Variants in ZFHX3 observed in about 807,000 individuals in gnomAD.
The protein encoded by ZFHX3 is zinc finger homeobox 3, also known as zinc finger homeobox protein 3.
In ZFHX3, 42 loss-of-function variants were observed where a neutral mutation model predicts 279.1. The ratio of observed to expected loss-of-function variants is 0.15; its 90% CI spans 0.12 to 0.19. ZFHX3 has a LOEUF of 0.19. Ranked by LOEUF, ZFHX3 falls within the 10% of genes least tolerant of loss-of-function variation. The probability of loss-of-function intolerance (pLI) is 1.00; values close to 1 mark genes in which losing one functional copy is unlikely to be tolerated. For missense variants in ZFHX3, 4,981 were observed against 4,754.0 expected (o/e 1.05, Z -1.40); for synonymous variants, 2,293 against 1,957.8 (o/e 1.17, Z -4.52).
At chr16:73,529,215 G>A (rs901407585) in intron 2 of ZFHX3, among the ~76,000 whole-genome samples, 7 of 152,188 alleles carry the variant, frequency 4.6e-5, no homozygotes, top group African/African-American at 1.7e-4. Flanking sequence ...GTATGTTTGT[G>A]ATAATTTTGC....
At chr16:73,079,944 A>AT (rs1567658748) in intron 8 of ZFHX3, among the ~76,000 whole-genome samples, 2 of 152,186 alleles carry the variant, frequency 1.3e-5, no homozygotes, top group Middle Eastern at 3.4e-3. Flanking sequence ...GGTCACACAG[A>AT]GCAAGTTTAA....
At chr16:72,832,042 C>T (rs1210771418) in intron 4 of ZFHX3, among the ~76,000 whole-genome samples, 1 of 152,166 alleles carries the variant, frequency 6.6e-6, no homozygotes, top group Non-Finnish European at 1.5e-5. Flanking sequence ...CATATGACCA[C>T]CTTAGATGAA....
At chr16:73,836,948 G>A (rs556412222) in intron 1 of ZFHX3, among the ~76,000 whole-genome samples, 1 of 152,322 alleles carries the variant, frequency 6.6e-6, no homozygotes, top group Non-Finnish European at 1.5e-5. Flanking sequence ...CTACTTCTCT[G>A]CCATGTTATA....
intron 2 of ZFHX3, among the ~76,000 whole-genome samples, chr16:73,469,994 G>A (rs1020466643): frequency 1.3e-5 from 2 of 152,108 alleles, no homozygotes; most frequent in African/African-American, 4.8e-5. Context: ...ATTCTAATGT[G>A]CGGAAAAGCT....
chr16:73,114,110 G>C (rs1044367008), intron 7 of ZFHX3, among the ~76,000 whole-genome samples: 2 of 151,216 alleles, frequency 1.3e-5, no homozygotes, highest in African/African-American at 4.9e-5. Context: ...TTTTTTAAGA[G>C]ATGGGGGTCT....
At chr16:73,549,925 T>C (rs1350519712) in intron 2 of ZFHX3, among the ~76,000 whole-genome samples, 1 of 152,082 alleles carries the variant, frequency 6.6e-6, no homozygotes, top group African/African-American at 2.4e-5. Flanking sequence ...TCTAAGGCTC[T>C]AGACAAACTG....
intron 1 of ZFHX3, among the ~76,000 whole-genome samples, chr16:73,876,869 C>G (rs2142407314): frequency 6.6e-6 from 1 of 152,192 alleles, no homozygotes; most frequent in African/African-American, 2.4e-5. Context: ...AGACACAAAA[C>G]CCACCGTGTG....
chr16:73,368,713 A>G (rs1045164144), intron 3 of ZFHX3, among the ~76,000 whole-genome samples: 2 of 152,230 alleles, frequency 1.3e-5, no homozygotes, highest in African/African-American at 2.4e-5. Flanking sequence ...TCGGTATGTA[A>G]TGGGTAATAT....
chr16:72,960,295 G>T (rs545404702), intron 1 of ZFHX3, 101 bp from the exon 2 acceptor site: 2 of 887,124 alleles, frequency 2.3e-6, no homozygotes, highest in Non-Finnish European at 3.2e-6. Context: ...CGCACGGAGC[G>T]CTCTAAGAGG....
chr16:73,058,412 G>C (rs1159290787), intron 1 of ZFHX3: 1 of 181,066 alleles, frequency 5.5e-6, no homozygotes, highest in Non-Finnish European at 1.1e-5. Context: ...CGAGCCCCAT[G>C]CAAAGCAGCC....
intron 3 of ZFHX3, among the ~76,000 whole-genome samples, chr16:73,369,416 A>C (rs972733298): frequency 1.3e-5 from 2 of 152,238 alleles, no homozygotes; most frequent in Admixed American, 6.5e-5. Context: ...CAAATGCACA[A>C]ATCGAATGCC....
At position 72,785,140 on chromosome 16, in the gene ZFHX3, T is replaced by C. The variant is rs958505810; in HGVS notation, c.*2024A>G. ...GAGATGGTTTCTGTTGATGTTTAGC[T>C]ATGAAAGTGAAACAGCAAAGCATCT... is the stretch of plus-strand genomic sequence containing the variant. On this transcript the variant is annotated 3_prime_UTR_variant, in exon 10 of 10. Coordinates refer to ENST00000268489, the MANE Select transcript of ZFHX3 (RefSeq NM_006885.4). The C allele has an allele frequency of 1.7e-4, 26 of 151,920 alleles. No individual in the cohort carries two copies. The highest frequency in any genetic ancestry group is 6.1e-4 in the African/African-American group (25 of 40,728). The allele number at this position is 151,920 out of a possible 1,614,324, so 9.4% of individuals were successfully genotyped here. A position where few individuals can be genotyped will look rare whatever the true frequency, so the allele number is the denominator to read the frequency against.
At chr16:73,132,627 G>A (rs1966708486) in intron 6 of ZFHX3, among the ~76,000 whole-genome samples, 1 of 152,148 alleles carries the variant, frequency 6.6e-6, no homozygotes, top group African/African-American at 2.4e-5. Flanking sequence ...GAGACACAAA[G>A]CAATTGACAG....
At chr16:73,803,367 G>A (rs1006563535) in intron 1 of ZFHX3, among the ~76,000 whole-genome samples, 5 of 152,150 alleles carry the variant, frequency 3.3e-5, no homozygotes, top group Admixed American at 3.3e-4. Flanking sequence ...TTAAGACCTT[G>A]ATAATAGCTA....
At chr16:73,393,400 T>A (rs1400927212) in intron 3 of ZFHX3, among the ~76,000 whole-genome samples, 1 of 152,232 alleles carries the variant, frequency 6.6e-6, no homozygotes, top group Admixed American at 6.5e-5. Context: ...CTGCAGTTCC[T>A]GGTCCTCCCC....
At chr16:73,376,610 A>G (rs898327962) in intron 3 of ZFHX3, among the ~76,000 whole-genome samples, 3 of 152,166 alleles carry the variant, frequency 2.0e-5, no homozygotes, top group African/African-American at 7.2e-5. Flanking sequence ...GGCTGGAGTC[A>G]ATGTTGAAAT....
In ZFHX3 at chr16:73,544,191, G is replaced by A. The variant is rs558324584; in HGVS notation, c.-1546-87933C>T. On this transcript the variant is annotated intron_variant, in intron 2 of 17. Coordinates refer to the ZFHX3 transcript ENST00000641206. The stretch of plus-strand genomic sequence containing the variant: ...CATTGCCTAGGACCTGGGTTAGGGA[G>A]AGGAAAAAAAAAGGTGGGGTGGAGG... Among the ~76,000 whole-genome samples the A allele has an allele frequency of 1.3e-4, 19 of 151,382 alleles. No individual in the cohort carries two copies. In the South Asian group the frequency reaches 3.3e-3, roughly 27 times the overall value.
At chr16:73,181,521 C>T (rs1219007825) in intron 5 of ZFHX3, among the ~76,000 whole-genome samples, 1 of 152,174 alleles carries the variant, frequency 6.6e-6, no homozygotes, top group East Asian at 1.9e-4. Context: ...ATGGGGGAAA[C>T]TCACAAAAGG....
intron 1 of ZFHX3, among the ~76,000 whole-genome samples, chr16:73,831,377 G>T (rs1960993155): frequency 6.6e-6 from 1 of 152,214 alleles, no homozygotes; most frequent in African/African-American, 2.4e-5. Context: ...AGCCCTGGGG[G>T]CTCTGATGAG....
Sources: gnomAD v4.1 joint callset for allele counts (sites outside exome capture counted in the v4.1 genomes callset) on GRCh38, gnomAD v4.1.1 for gene constraint, MANE v1.5 for transcripts, NCBI Gene and HGNC (gene_info 2026-07-23, HGNC 2026-07-21) for gene names.